Variants in USP25 observed in about 807,000 individuals in gnomAD.
USP25 encodes ubiquitin carboxyl-terminal hydrolase 25.
Under a neutral mutation model 158.5 loss-of-function variants are expected in USP25, and 85 were observed. The observed-to-expected ratio is 0.54, with a 90% CI of 0.45 to 0.64. The LOEUF is 0.64. Ranked by LOEUF, USP25 falls within the 30% of genes least tolerant of loss-of-function variation. The pLI, the probability that USP25 is intolerant of heterozygous loss-of-function variation, is 0.00. For missense variants in USP25, 1,242 were observed against 1,327.3 expected (o/e 0.94, Z 1.00); for synonymous variants, 464 against 460.4 (o/e 1.01, Z -0.10).
At chr21:15,746,021 A>C (rs1466905388) in intron 1 of USP25, among the ~76,000 whole-genome samples, 1 of 152,174 alleles carries the variant, frequency 6.6e-6, no homozygotes. Flanking sequence ...ATCATGTATG[A>C]GTGGGTTTAT....
intron 7 of USP25, among the ~76,000 whole-genome samples, chr21:15,808,227 G>A (rs1424660816): frequency 1.3e-5 from 2 of 152,166 alleles, no homozygotes; most frequent in African/African-American, 2.4e-5. Context: ...TAACACAACT[G>A]CCACAACCTA....
intron 1 of USP25, among the ~76,000 whole-genome samples, chr21:15,750,815 C>T (rs962919668): frequency 1.1e-4 from 17 of 151,012 alleles, no homozygotes; most frequent in Non-Finnish European, 1.6e-4. Context: ...ACCGTGTTAG[C>T]CAGGATGGTC....
intron 4 of USP25, 88 bp from the exon 5 acceptor site, chr21:15,791,414 T>TA: frequency 1.5e-6 from 2 of 1,305,900 alleles, no homozygotes; most frequent in Non-Finnish European, 2.0e-6. Context: ...ATTGAAATCT[T>TA]ATGTAATGAA....
rs183007676 is a variant in USP25, at chr21:15,784,434, T to C, written c.392+6407T>C. Among the ~76,000 whole-genome samples, 423 of 152,160 alleles carry C rather than the reference T, an allele frequency of 2.8e-3. 4 individuals carry two copies. The Middle Eastern group carries it at 0.041, about 15-fold the overall frequency. ...CTAAAAATACAAAATTAGCTGAGCA[T>C]GGTGGTGCATGCCTGTAATCCAAGC... On this transcript the variant is annotated intron_variant, in intron 4 of 25. Coordinates refer to ENST00000400183, the MANE Select transcript of USP25 (RefSeq NM_001283041.3).
chr21:15,777,149 AAG>A (rs1306321303), intron 3 of USP25, among the ~76,000 whole-genome samples: 2 of 152,160 alleles, frequency 1.3e-5, no homozygotes, highest in Non-Finnish European at 2.9e-5. Flanking sequence ...TTTTTGGAAA[AAG>A]AATTAATACT....
intron 10 of USP25, 37 bp from the exon 11 acceptor site, chr21:15,824,002 G>T (rs909067875): frequency 1.9e-6 from 3 of 1,588,930 alleles, no homozygotes; most frequent in Non-Finnish European, 1.7e-6. Flanking sequence ...AACAAAGGTG[G>T]TATTAAAGTT....
chr21:15,851,884 T>C (rs2038904617), intron 20 of USP25, among the ~76,000 whole-genome samples: 1 of 152,122 alleles, frequency 6.6e-6, no homozygotes. Flanking sequence ...TTCTGGGGAT[T>C]CCCTTTGCAT....
chr21:15,738,961 C>A (rs1042993405), intron 1 of USP25, among the ~76,000 whole-genome samples: 1 of 152,096 alleles, frequency 6.6e-6, no homozygotes, highest in East Asian at 1.9e-4. Flanking sequence ...TTGATCATGA[C>A]CCTCTCACAC....
At chr21:15,733,119 A>G (rs76139235) in intron 1 of USP25, among the ~76,000 whole-genome samples, 9,140 of 109,966 alleles carry the variant, frequency 0.083, 431 homozygotes, top group Middle Eastern at 0.12. Context: ...CCAAATGAGG[A>G]TACTCCACGG....
At chr21:15,849,898 GTCT>G in intron 20 of USP25, 26 bp downstream of exon 20, 1 of 1,434,272 alleles carries the variant, frequency 7.0e-7, no homozygotes, top group Non-Finnish European at 9.3e-7. Context: ...TCATTTTCGT[GTCT>G]TTTCTTTTTC....
chr21:15,758,578 ATC>A (rs2033535932), intron 1 of USP25, among the ~76,000 whole-genome samples: 1 of 152,076 alleles, frequency 6.6e-6, no homozygotes, highest in South Asian at 2.1e-4. Flanking sequence ...ATTCTGTTAA[ATC>A]TCTTTCCTTT....
chr21:15,850,144 T>C (rs1231404507), intron 20 of USP25, among the ~76,000 whole-genome samples: 1 of 152,098 alleles, frequency 6.6e-6, no homozygotes, highest in African/African-American at 2.4e-5. Context: ...ATTTGAATTG[T>C]ATTTTTTATT....
chr21:15,741,920 C>G (rs1010772777), intron 1 of USP25, among the ~76,000 whole-genome samples: 1 of 152,144 alleles, frequency 6.6e-6, no homozygotes, highest in Admixed American at 6.5e-5. Flanking sequence ...AAATTTATCT[C>G]TTTAACAATT....
At chr21:15,738,584 A>G (rs1304472134) in intron 1 of USP25, among the ~76,000 whole-genome samples, 2 of 152,184 alleles carry the variant, frequency 1.3e-5, no homozygotes, top group Non-Finnish European at 2.9e-5. Flanking sequence ...GGTCTTTTGT[A>G]TGTTAATTTT....
chr21:15,800,214 T>G (rs2036063217), intron 6 of USP25, among the ~76,000 whole-genome samples: 1 of 151,260 alleles, frequency 6.6e-6, no homozygotes, highest in Admixed American at 6.6e-5. Context: ...GTGCAGCCCT[T>G]TAAAAAATGC....
At chr21:15,737,804 T>C (rs778789139) in intron 1 of USP25, among the ~76,000 whole-genome samples, 12 of 152,096 alleles carry the variant, frequency 7.9e-5, no homozygotes, top group Non-Finnish European at 1.5e-5. Flanking sequence ...CCAAAATGCT[T>C]GGGACCAGAA....
intron 4 of USP25, among the ~76,000 whole-genome samples, chr21:15,784,512 T>C (rs1255676295): frequency 6.6e-6 from 1 of 151,232 alleles, no homozygotes; most frequent in Non-Finnish European, 1.5e-5. Context: ...GTGGAGGTTG[T>C]GGTGAGCCGA....
At chr21:15,780,492 A>G (rs761575863) in intron 4 of USP25, among the ~76,000 whole-genome samples, 3 of 152,224 alleles carry the variant, frequency 2.0e-5, no homozygotes, top group Non-Finnish European at 4.4e-5. Context: ...TCTTGTGAAA[A>G]TGGCTTGCCT....
chr21:15,748,904 A>G (rs947543243), intron 1 of USP25, among the ~76,000 whole-genome samples: 4 of 152,212 alleles, frequency 2.6e-5, no homozygotes, highest in Admixed American at 1.3e-4. Context: ...TCTGTTGTCA[A>G]CTATACTGCA....
Sources: allele counts gnomAD v4.1 joint callset (sites outside exome capture counted in the v4.1 genomes callset), GRCh38; gene constraint gnomAD v4.1.1; transcripts MANE v1.5; gene names NCBI Gene and HGNC (gene_info 2026-07-23, HGNC 2026-07-21).